Variants in TANGO6 observed in about 807,000 individuals in gnomAD.
The protein encoded by TANGO6 is transport and Golgi organization protein 6 homolog.
Under a neutral mutation model 114.2 loss-of-function variants are expected in TANGO6, and 90 were observed. The observed-to-expected ratio is 0.79, with a 90% CI of 0.66 to 0.94. TANGO6 has a LOEUF of 0.94. Among genes scored for constraint, TANGO6 ranks in the 40% least tolerant of loss-of-function variants. The pLI, the probability that TANGO6 is intolerant of heterozygous loss-of-function variation, is 0.00. For missense variants in TANGO6, 1,274 were observed against 1,315.3 expected (o/e 0.97, Z 0.49); for synonymous variants, 477 against 509.8 (o/e 0.94, Z 0.87).
At chr16:68,881,325 C>T (rs747760332) in intron 7 of TANGO6, among the ~76,000 whole-genome samples, 3 of 151,814 alleles carry the variant, frequency 2.0e-5, no homozygotes, top group Non-Finnish European at 4.4e-5. Context: ...ACCAGCCTGG[C>T]CAATATGGCG....
intron 7 of TANGO6, among the ~76,000 whole-genome samples, chr16:68,895,482 T>C (rs752529049): frequency 2.6e-5 from 4 of 152,252 alleles, no homozygotes; most frequent in Non-Finnish European, 5.9e-5. Flanking sequence ...TGATAGGTGC[T>C]GAAGAAGGGA....
At chr16:69,052,779 C>T (rs187039538) in intron 17 of TANGO6, among the ~76,000 whole-genome samples, 2 of 152,152 alleles carry the variant, frequency 1.3e-5, no homozygotes, top group Non-Finnish European at 2.9e-5. Flanking sequence ...TAGTTGACCT[C>T]TCTTCTCCTC....
intron 11 of TANGO6, among the ~76,000 whole-genome samples, chr16:68,914,622 A>G (rs1346885919): frequency 2.0e-5 from 3 of 152,200 alleles, no homozygotes; most frequent in Non-Finnish European, 4.4e-5. Flanking sequence ...TACATTTATA[A>G]GAAGTTTTAA....
chr16:68,941,582 C>CA (rs1398490732), intron 14 of TANGO6, among the ~76,000 whole-genome samples: 1 of 151,534 alleles, frequency 6.6e-6, no homozygotes, highest in Non-Finnish European at 1.5e-5. Context: ...CCATCTCTAC[C>CA]AAAAAATACA....
intron 1 of TANGO6, among the ~76,000 whole-genome samples, chr16:68,846,118 C>T (rs1395547198): frequency 1.3e-5 from 2 of 152,094 alleles, no homozygotes; most frequent in South Asian, 2.1e-4. Context: ...CTCCACCTCC[C>T]AGGTTCAAGT....
chr16:68,991,512 A>G (rs562096914), intron 15 of TANGO6, among the ~76,000 whole-genome samples: 1 of 152,174 alleles, frequency 6.6e-6, no homozygotes, highest in East Asian at 1.9e-4. Context: ...GTGGTGGTGC[A>G]CTCCTGTAAT....
At chr16:68,853,750 C>T (rs1961940672) in intron 1 of TANGO6, among the ~76,000 whole-genome samples, 2 of 152,172 alleles carry the variant, frequency 1.3e-5, no homozygotes, top group Admixed American at 1.3e-4. Flanking sequence ...TGTCATACTT[C>T]TGCCAACAGT....
chr16:68,919,826 G>A (rs546404205), intron 12 of TANGO6, among the ~76,000 whole-genome samples: 1 of 152,300 alleles, frequency 6.6e-6, no homozygotes, highest in African/African-American at 2.4e-5. Flanking sequence ...TGGATCACCT[G>A]AGGTGAGGAG....
chr16:68,846,787 G>C (rs1469926559), intron 1 of TANGO6: 1 of 153,620 alleles, frequency 6.5e-6, no homozygotes, highest in Non-Finnish European at 1.4e-5. Flanking sequence ...TTACAGATGT[G>C]AGCCACCACG....
Position 69,083,780 on chromosome 16 carries a change from G to T in TANGO6, c.*119G>T, listed in dbSNP as rs1363256685. The T allele has an allele frequency of 5.0e-6, 6 of 1,201,410 alleles. No individual in the cohort carries two copies. The highest frequency in any genetic ancestry group is 6.8e-6 in the Non-Finnish European group (6 of 876,762). The allele number at this position is 1,201,410 out of a possible 1,614,324, so 74.4% of individuals were successfully genotyped here. On this transcript the variant is annotated 3_prime_UTR_variant, in exon 18 of 18. Transcript: ENST00000261778. ...GCTGGCAGCATGGCTGACCCTCGGG[G>T]TGGTTTTATGGTGCAGGTCACTTGG...
At chr16:68,893,476 A>G (rs1178379452) in intron 7 of TANGO6, among the ~76,000 whole-genome samples, 2 of 152,206 alleles carry the variant, frequency 1.3e-5, no homozygotes, top group Non-Finnish European at 2.9e-5. Flanking sequence ...ACAGTGGCTC[A>G]TGCCTGTAAT....
chr16:68,925,470 C>A (rs1044678361), intron 12 of TANGO6, among the ~76,000 whole-genome samples: 3 of 152,046 alleles, frequency 2.0e-5, no homozygotes, highest in African/African-American at 7.2e-5. Context: ...TGTTCATTTT[C>A]TTATTGAGTT....
chr16:68,909,968 A>G (rs530325473), intron 11 of TANGO6, among the ~76,000 whole-genome samples: 10 of 152,336 alleles, frequency 6.6e-5, no homozygotes, highest in Non-Finnish European at 1.0e-4. Flanking sequence ...AAATGCTTTT[A>G]GAGGAGTATC....
intron 15 of TANGO6, chr16:69,007,094 C>T (rs1421490081): frequency 6.6e-6 from 1 of 152,136 alleles, no homozygotes; most frequent in African/African-American, 2.4e-5. Context: ...AATCCTTGCA[C>T]AGGAGCCATG....
rs114068667 is a variant in TANGO6, at chr16:69,058,676, T to A, written c.3108+18255T>A. On this transcript the variant is annotated intron_variant, in intron 17 of 17. Transcript: ENST00000261778. Reference sequence around the variant, plus strand: ...CTTCCTTAACCATTGGACTTTTCTCTTTTTTTTGAGACGGAGTCTCGCTCT... The same window carrying A: ...CTTCCTTAACCATTGGACTTTTCTCATTTTTTTGAGACGGAGTCTCGCTCT... Among the ~76,000 whole-genome samples the A allele has an allele frequency of 7.1e-3, 1,087 of 152,174 alleles. 12 individuals are homozygous for A. The highest frequency in any genetic ancestry group is 0.025 in the African/African-American group (1,034 of 41,514).
Position 69,042,924 on chromosome 16 carries a change from T to A in TANGO6, c.3108+2503T>A, listed in dbSNP as rs541476352. Among the ~76,000 whole-genome samples the A allele has an allele frequency of 3.3e-5, 5 of 152,302 alleles. No individual in the cohort carries two copies. In the East Asian group the frequency reaches 9.6e-4, roughly 29 times the overall value. ...CTAAAATTATTTCAAAGCAAAAATG[T>A]ATTTGAAAATACAAGTTGGTCGGGT... On this transcript the variant is annotated intron_variant, in intron 17 of 17. Coordinates refer to ENST00000261778, the MANE Select transcript of TANGO6 (RefSeq NM_024562.2).
chr16:68,845,988 G>T (rs1961796497), intron 1 of TANGO6, among the ~76,000 whole-genome samples: 1 of 151,916 alleles, frequency 6.6e-6, no homozygotes, highest in Non-Finnish European at 1.5e-5. Context: ...TTGTAGCTGG[G>T]ACTATAGGCA....
chr16:68,923,891 A>G (rs180708449), intron 12 of TANGO6, among the ~76,000 whole-genome samples: 15 of 152,342 alleles, frequency 9.8e-5, no homozygotes, highest in Admixed American at 8.5e-4. Context: ...GCCCTCACCC[A>G]TAGTGAGCAA....
At chr16:68,846,663 T>G (rs1240010560) in intron 1 of TANGO6, 1 of 153,566 alleles carries the variant, frequency 6.5e-6, no homozygotes, top group African/African-American at 2.6e-5. Context: ...GCCTGGCTAA[T>G]TTTCTTTTTT....
Sources: allele counts gnomAD v4.1 joint callset (sites outside exome capture counted in the v4.1 genomes callset), GRCh38; gene constraint gnomAD v4.1.1; transcripts MANE v1.5; gene names NCBI Gene and HGNC (gene_info 2026-07-23, HGNC 2026-07-21).